The following BARD1 variants were observed in gnomAD, a reference collection of about 807,000 sequenced individuals.
BARD1 encodes BRCA1 associated RING domain 1, also known as BRCA1-associated RING domain protein 1.
A neutral mutation model predicts 77.0 loss-of-function variants in BARD1; 73 were observed. That is an observed-to-expected ratio of 0.95 (90% CI 0.79 to 1.15). The LOEUF (loss-of-function observed/expected upper bound fraction) is 1.15, where lower values mean the gene tolerates loss of function less well. Ranked by LOEUF, BARD1 falls within the 50% of genes most tolerant of loss-of-function variation. The probability of loss-of-function intolerance (pLI) is 0.00; values close to 1 mark genes in which losing one functional copy is unlikely to be tolerated. For missense variants in BARD1, 993 were observed against 938.8 expected (o/e 1.06, Z -0.75); for synonymous variants, 384 against 338.0 (o/e 1.14, Z -1.49).
At chr2:214,751,117 G>GTGTGTGTGTATA (rs1486423673) in intron 7 of BARD1, among the ~76,000 whole-genome samples, 11 of 16,284 alleles carry the variant, frequency 6.8e-4, no homozygotes, top group Admixed American at 2.1e-3. Context: ...GTGTGTGTGT[G>GTGTGTGTGTATA]TATATATATA....
intron 1 of BARD1, among the ~76,000 whole-genome samples, chr2:214,803,770 A>C (rs9973514): frequency 0.27 from 40,412 of 151,958 alleles, 5,716 homozygotes; most frequent in African/African-American, 0.37. Context: ...TATACTTTGT[A>C]TCTGTGTCTT....
intron 6 of BARD1, among the ~76,000 whole-genome samples, chr2:214,765,451 C>G (rs558869479): frequency 1.3e-5 from 2 of 152,152 alleles, no homozygotes; most frequent in African/African-American, 2.4e-5. Context: ...GCAGGCATCA[C>G]CCATGTTTTA....
chr2:214,763,648 C>A (rs548012345), intron 6 of BARD1, among the ~76,000 whole-genome samples: 6 of 152,292 alleles, frequency 3.9e-5, no homozygotes, highest in Admixed American at 1.3e-4. Flanking sequence ...TCTTACCCTT[C>A]TTCCATGGGA....
intron 1 of BARD1, among the ~76,000 whole-genome samples, chr2:214,801,687 T>C (rs996168133): frequency 1.1e-4 from 17 of 152,252 alleles, no homozygotes; most frequent in African/African-American, 3.6e-4. Context: ...AAGAACAAAG[T>C]TGACTGTGTT....
At chr2:214,770,413 A>T (rs1371438366) in intron 4 of BARD1, among the ~76,000 whole-genome samples, 1 of 152,212 alleles carries the variant, frequency 6.6e-6, no homozygotes. Flanking sequence ...TAGCACACTG[A>T]TGCAATGGAG....
At position 214,781,244 on chromosome 2, in the gene BARD1, A is replaced by T. The variant is rs1574820293; in HGVS notation, c.630T>A (p.Thr210=). 1 of 1,595,114 alleles carries T rather than the reference A, an allele frequency of 6.3e-7. No individual in the cohort carries two copies. The highest frequency in any genetic ancestry group is 8.5e-7 in the Non-Finnish European group (1 of 1,175,378). The change falls in exon 4 of 11, where the codon ACT becomes ACA. Residue 210 remains threonine, a synonymous_variant. Coordinates refer to ENST00000260947, the MANE Select transcript of BARD1 (RefSeq NM_000465.4). The part of the protein sequence containing the change: ...ARSGKKQKKK[T]LAEINQKWNL... ...TCCATTTTTGGTTGATTTCAGCTAA[A>T]GTTTTCTTTTTTTGCTTTTTTCCAG... is the stretch of plus-strand genomic sequence containing the variant.
At chr2:214,748,268 T>G (rs1693235143) in intron 7 of BARD1, among the ~76,000 whole-genome samples, 1 of 152,060 alleles carries the variant, frequency 6.6e-6, no homozygotes, top group Non-Finnish European at 1.5e-5. Flanking sequence ...AGCAAACAGC[T>G]GCCAAAGCCA....
intron 9 of BARD1, among the ~76,000 whole-genome samples, chr2:214,741,579 A>G (rs1341227941): frequency 6.6e-6 from 1 of 152,112 alleles, no homozygotes; most frequent in African/African-American, 2.4e-5. Flanking sequence ...GGGTGGTGCT[A>G]ATGGCCTGTG....
At chr2:214,759,355 C>T (rs1015914166) in intron 6 of BARD1, among the ~76,000 whole-genome samples, 2 of 152,076 alleles carry the variant, frequency 1.3e-5, no homozygotes, top group Admixed American at 6.5e-5. Flanking sequence ...CTCATGTGAC[C>T]GTAAGAGCTG....
chr2:214,790,109 C>G (rs770586981), intron 3 of BARD1, among the ~76,000 whole-genome samples: 2 of 152,102 alleles, frequency 1.3e-5, no homozygotes, highest in African/African-American at 2.4e-5. Context: ...TCAAACATCA[C>G]TAGCTAGAAT....
intron 2 of BARD1, among the ~76,000 whole-genome samples, chr2:214,793,681 A>C (rs1253689279): frequency 6.6e-6 from 1 of 152,204 alleles, no homozygotes; most frequent in South Asian, 2.1e-4. Flanking sequence ...ACTAGTACTC[A>C]GATCAGACTA....
chr2:214,739,649 T>A (rs1217179979), intron 9 of BARD1, among the ~76,000 whole-genome samples: 1 of 152,074 alleles, frequency 6.6e-6, no homozygotes, highest in East Asian at 1.9e-4. Context: ...GAAACTTCCA[T>A]AGCGAAAAGT....
Position 214,728,537 on chromosome 2 carries a change from C to CAT in BARD1, c.*138_*139insAT, listed in dbSNP as rs33960630. On this transcript the variant is annotated 3_prime_UTR_variant, in exon 11 of 11. Transcript: ENST00000260947. ...CATGAATTCCTAATCTGGCATTAGA[C>CAT]TTTTTTTTTTTTTTTGATTCAAAGA... 2 of 587,830 alleles carry CAT rather than the reference C, an allele frequency of 3.4e-6. No homozygotes were observed. The highest frequency in any genetic ancestry group is 5.6e-6 in the Non-Finnish European group (2 of 359,078). The allele number at this position is 587,830 out of a possible 1,614,324, so 36.4% of individuals were successfully genotyped here.
chr2:214,740,300 C>T (rs1331174269), intron 9 of BARD1, among the ~76,000 whole-genome samples: 1 of 152,006 alleles, frequency 6.6e-6, no homozygotes, highest in East Asian at 1.9e-4. Context: ...CATGCAGGTT[C>T]TAATTTCCCT....
intron 9 of BARD1, among the ~76,000 whole-genome samples, chr2:214,731,424 G>A (rs1445193093): frequency 6.6e-6 from 1 of 152,184 alleles, no homozygotes; most frequent in African/African-American, 2.4e-5. Context: ...TTACCACCAA[G>A]CGAGGGAACT....
At chr2:214,770,106 ATT>A (rs1313004855) in intron 4 of BARD1, among the ~76,000 whole-genome samples, 2 of 152,168 alleles carry the variant, frequency 1.3e-5, no homozygotes, top group Non-Finnish European at 2.9e-5. Context: ...TATTCACCTT[ATT>A]TGTTCAACAT....
At chr2:214,754,998 CTTA>C (rs1280002869) in intron 6 of BARD1, among the ~76,000 whole-genome samples, 3 of 152,228 alleles carry the variant, frequency 2.0e-5, no homozygotes. Context: ...TGTAAGATTT[CTTA>C]TTATTTGGGC....
intron 1 of BARD1, among the ~76,000 whole-genome samples, chr2:214,809,081 CCA>C (rs549956085): frequency 1.1e-3 from 172 of 152,278 alleles, no homozygotes; most frequent in Middle Eastern, 3.4e-3. Context: ...AGCCTCAGCC[CCA>C]CCCCAGCCCG....
At chr2:214,745,205 A>G in intron 8 of BARD1, 46 bp from the exon 9 acceptor site, 1 of 1,531,964 alleles carries the variant, frequency 6.5e-7, no homozygotes, top group Non-Finnish European at 9.0e-7. Context: ...TACAAGCCAA[A>G]GTATTTCTTT....
Sources: gnomAD v4.1 joint callset for allele counts (sites outside exome capture counted in the v4.1 genomes callset) on GRCh38, gnomAD v4.1.1 for gene constraint, MANE v1.5 for transcripts, NCBI Gene and HGNC (gene_info 2026-07-23, HGNC 2026-07-21) for gene names.